ACOT1: variants seen among roughly 807,000 people sequenced by gnomAD.
ACOT1 encodes the protein acyl-coenzyme A thioesterase 1.
In ACOT1, 8 loss-of-function variants were observed where a neutral mutation model predicts 15.7. That is an observed-to-expected ratio of 0.51 (90% CI 0.30 to 0.92). The LOEUF is 0.92. Ranked by LOEUF, ACOT1 falls within the 40% of genes least tolerant of loss-of-function variation. The pLI is 0.06. For synonymous variants in ACOT1, 67 were observed against 241.2 expected (o/e 0.28, Z 6.69); for missense variants, 151 against 539.4 (o/e 0.28, Z 7.13).
At chr14:73,490,949 G>C in the ACOT1 span, 26 of 1,283,090 alleles carry the variant, frequency 2.0e-5, no homozygotes, top group Non-Finnish European at 2.4e-5. Context: ...CACCGCAGCC[G>C]CTGCATTCAG....
chr14:73,518,285 T>C, the ACOT1 span, among the ~76,000 whole-genome samples: 2 of 151,450 alleles, frequency 1.3e-5, no homozygotes, highest in Non-Finnish European at 2.9e-5. Context: ...GCACCTGTGA[T>C]TCCAGCTACC....
chr14:73,502,003 C>G, the ACOT1 span, among the ~76,000 whole-genome samples: 5 of 151,840 alleles, frequency 3.3e-5, no homozygotes, highest in Non-Finnish European at 7.4e-5. Context: ...CCTCGGCCTC[C>G]CAAAGTGCTG....
the ACOT1 span, chr14:73,492,868 G>A: frequency 6.2e-7 from 1 of 1,613,934 alleles, no homozygotes; most frequent in Non-Finnish European, 8.5e-7. The surrounding 1 kb of genome is among the most constrained non-coding windows in gnomAD (Gnocchi z 4.9). Context: ...ACAGTGTGGA[G>A]GACCAGCTGT....
At chr14:73,530,708 G>A in the ACOT1 span, 3,466 of 114,112 alleles carry the variant, frequency 0.03, 51 homozygotes, top group Non-Finnish European at 0.045. Flanking sequence ...CGTGATCATG[G>A]CTCACTGCAG....
At chr14:73,491,598 G>T in the ACOT1 span, 2 of 1,546,256 alleles carry the variant, frequency 1.3e-6, no homozygotes, top group South Asian at 2.4e-5. Context: ...GAGCTGAACC[G>T]CATCCCCAGC....
chr14:73,497,784 G>T, the ACOT1 span, among the ~76,000 whole-genome samples: 3 of 151,892 alleles, frequency 2.0e-5, no homozygotes, highest in African/African-American at 7.3e-5. Context: ...GTGCCACCAT[G>T]CCTGGCTAAT....
intron 2 of ACOT1, among the ~76,000 whole-genome samples, chr14:73,542,212 G>A (rs1218726656): frequency 2.8e-5 from 3 of 107,468 alleles, no homozygotes; most frequent in African/African-American, 9.4e-5. Context: ...TGGCCAGGCT[G>A]GTCTCAAACT....
At chr14:73,510,314 A>T in the ACOT1 span, among the ~76,000 whole-genome samples, 1 of 152,186 alleles carries the variant, frequency 6.6e-6, no homozygotes, top group African/African-American at 2.4e-5. Flanking sequence ...TCAACTAAAC[A>T]GTAAGGTTCA....
the ACOT1 span, among the ~76,000 whole-genome samples, chr14:73,496,019 A>G: frequency 6.6e-6 from 1 of 152,006 alleles, no homozygotes; most frequent in Non-Finnish European, 1.5e-5. Context: ...AATCCCAGCT[A>G]TTTTGGTGGC....
chr14:73,509,810 C>CTA, the ACOT1 span, among the ~76,000 whole-genome samples: 248 of 63,174 alleles, frequency 3.9e-3, 77 homozygotes, highest in East Asian at 4.8e-3. Flanking sequence ...CCCCATGAGC[C>CTA]CATATATATA....
chr14:73,494,125 C>CT, the ACOT1 span, among the ~76,000 whole-genome samples: 2 of 152,190 alleles, frequency 1.3e-5, no homozygotes, highest in African/African-American at 4.8e-5. Context: ...GTTCAAGTTA[C>CT]TTTCCACTCT....
At chr14:73,495,376 T>C in the ACOT1 span, 1 of 1,613,562 alleles carries the variant, frequency 6.2e-7, no homozygotes, top group Non-Finnish European at 8.5e-7. Flanking sequence ...CCTTTTGGCT[T>C]AGTGTTTTAA....
At chr14:73,491,606 A>G in the ACOT1 span, 1 of 1,547,152 alleles carries the variant, frequency 6.5e-7, no homozygotes, top group East Asian at 2.4e-5. Context: ...CCGCATCCCC[A>G]GCAGCCGGCG....
chr14:73,495,647 G>C, the ACOT1 span, among the ~76,000 whole-genome samples: 4 of 152,234 alleles, frequency 2.6e-5, no homozygotes, highest in East Asian at 7.8e-4. Flanking sequence ...AAGTGCCTGA[G>C]AACATTGTTC....
At chr14:73,498,234 C>T in the ACOT1 span, 2 of 1,614,074 alleles carry the variant, frequency 1.2e-6, no homozygotes, top group Non-Finnish European at 1.7e-6. Flanking sequence ...AGTTTCAGGG[C>T]TAGGATGCTA....
the ACOT1 span, chr14:73,514,293 G>A: frequency 6.7e-7 from 1 of 1,500,680 alleles, no homozygotes. Context: ...CTGCCACACA[G>A]TGGCCCCAGC....
chr14:73,504,786 A>G, the ACOT1 span, among the ~76,000 whole-genome samples: 2 of 152,232 alleles, frequency 1.3e-5, no homozygotes, highest in African/African-American at 4.8e-5. Flanking sequence ...ATCCAAAGTT[A>G]TAAGGAAAAG....
At chr14:73,504,585 G>A in the ACOT1 span, among the ~76,000 whole-genome samples, 1 of 152,148 alleles carries the variant, frequency 6.6e-6, no homozygotes, top group Admixed American at 6.6e-5. Flanking sequence ...CGCCTGTGCT[G>A]CTGGTCCAGG....
chr14:73,492,183 C>G, the ACOT1 span: 1 of 1,613,994 alleles, frequency 6.2e-7, no homozygotes, highest in South Asian at 1.1e-5. The surrounding 1 kb of genome is among the most constrained non-coding windows in gnomAD (Gnocchi z 4.9). Flanking sequence ...GTGCTGCAGA[C>G]CGTGCTGGAA....
Sources: gnomAD v4.1 joint callset for allele counts (sites outside exome capture counted in the v4.1 genomes callset) on GRCh38, gnomAD v4.1.1 for gene constraint, Gnocchi (gnomAD v3.1) non-coding constraint, MANE v1.5 for transcripts, NCBI Gene and HGNC (gene_info 2026-07-23, HGNC 2026-07-21) for gene names.